ERG: variants seen among roughly 807,000 people sequenced by gnomAD.
ERG encodes ETS transcription factor ERG, also known as transcriptional regulator ERG.
ERG carries 9 observed loss-of-function variants against 55.3 expected under a neutral mutation model. That is an observed-to-expected ratio of 0.16 (90% CI 0.10 to 0.28). The LOEUF is 0.28. ERG is among the 10% of genes least tolerant of loss of function. ERG has a pLI of 1.00. For missense variants in ERG, 434 were observed against 631.6 expected, an observed-to-expected ratio of 0.69 and a Z score of 3.35; for synonymous variants, 223 against 237.3, an observed-to-expected ratio of 0.94 and a Z score of 0.55.
At chr21:38,572,094 C>T (rs937747324) in intron 2 of ERG, among the ~76,000 whole-genome samples, 7 of 151,802 alleles carry the variant, frequency 4.6e-5, no homozygotes, top group South Asian at 4.1e-4. Context: ...CGGTGGCTCA[C>T]GCCTGTAATC....
At chr21:38,643,527 T>C (rs1174008523) in intron 1 of ERG, among the ~76,000 whole-genome samples, 1 of 152,160 alleles carries the variant, frequency 6.6e-6, no homozygotes, top group African/African-American at 2.4e-5. Flanking sequence ...GAGGCAAATT[T>C]GTTTCTTGTG....
chr21:38,455,612 T>C lies in ERG; in HGVS notation c.19-9991A>G, dbSNP rs1458653564. On this transcript the variant is annotated intron_variant, in intron 1 of 9. Coordinates refer to ENST00000288319, the MANE Select transcript of ERG (RefSeq NM_182918.4). The stretch of plus-strand genomic sequence containing the variant: ...GTCTCATCTGTGAATCTCTGACACA[T>C]GGATTCATTGTTTTCGATAAAATTC... Among the ~76,000 whole-genome samples the C allele has an allele frequency of 9.9e-5, 15 of 152,284 alleles. 2 individuals are homozygous for C. In the South Asian group the frequency reaches 3.1e-3, roughly 32 times the overall value.
At chr21:38,475,178 T>C (rs1490148940) in intron 1 of ERG, among the ~76,000 whole-genome samples, 3 of 152,018 alleles carry the variant, frequency 2.0e-5, no homozygotes, top group Non-Finnish European at 4.4e-5. Flanking sequence ...TAAGTCAACA[T>C]ATGAGAAACT....
At chr21:38,399,907 AC>A (rs1988408254) in intron 6 of ERG, 1 of 193,286 alleles carries the variant, frequency 5.2e-6, no homozygotes, top group South Asian at 1.3e-4. Context: ...TCACCATCAT[AC>A]CATCCGTGGC....
chr21:38,383,180 A>C lies in ERG; in HGVS notation c.*223T>G. ...CTTTTACAAGGTCAGTCCACAGATG[A>C]TATGTCCATATTCGTGACATTTTTA... is the stretch of plus-strand genomic sequence containing the variant. On this transcript the variant is annotated 3_prime_UTR_variant, in exon 10 of 10. Coordinates refer to ENST00000288319, the MANE Select transcript of ERG (RefSeq NM_182918.4). This position sits in a 1 kb window ranked among gnomAD's most constrained non-coding sequence, Gnocchi z 5.7. The C allele has an allele frequency of 1.6e-6, 2 of 1,263,998 alleles. No individual in the cohort carries two copies. The highest frequency in any genetic ancestry group is 2.0e-6 in the Non-Finnish European group (2 of 1,005,810). The allele number at this position is 1,263,998 out of a possible 1,614,324, so 78.3% of individuals were successfully genotyped here.
chr21:38,585,423 G>A (rs2146883385), upstream of ERG, among the ~76,000 whole-genome samples: 1 of 149,834 alleles, frequency 6.7e-6, no homozygotes, highest in South Asian at 2.1e-4. Flanking sequence ...AGGAGGATCT[G>A]TATTTTTTAA....
chr21:38,596,584 C>T (rs545452073), intron 1 of ERG, among the ~76,000 whole-genome samples: 1 of 152,350 alleles, frequency 6.6e-6, no homozygotes, highest in South Asian at 2.1e-4. Flanking sequence ...CTTGACAGAA[C>T]TAATCCTTCT....
At chr21:38,373,384 G>A in the ERG span, among the ~76,000 whole-genome samples, 2 of 152,204 alleles carry the variant, frequency 1.3e-5, no homozygotes, top group Admixed American at 6.5e-5. Context: ...TTGGGCTTGA[G>A]GGTGGAGGAA....
the ERG span, among the ~76,000 whole-genome samples, chr21:38,372,618 T>G: frequency 6.6e-6 from 1 of 152,082 alleles, no homozygotes; most frequent in African/African-American, 2.4e-5. Context: ...TTTTTCTACT[T>G]AACTTTTAAT....
chr21:38,661,154 G>C (rs2060553454), intron 1 of ERG, among the ~76,000 whole-genome samples: 1 of 151,902 alleles, frequency 6.6e-6, no homozygotes, highest in Non-Finnish European at 1.5e-5. Flanking sequence ...AGGACCAGAG[G>C]GGAGGAGAGG....
At chr21:38,564,575 T>TTCTC (rs368309134) in intron 2 of ERG, among the ~76,000 whole-genome samples, 2 of 151,680 alleles carry the variant, frequency 1.3e-5, no homozygotes, top group Non-Finnish European at 2.9e-5. Context: ...TCTGCACTTC[T>TTCTC]TCTCTCTCTC....
At chr21:38,492,449 T>C (rs1267140504) in intron 1 of ERG, among the ~76,000 whole-genome samples, 1 of 152,242 alleles carries the variant, frequency 6.6e-6, no homozygotes, top group Non-Finnish European at 1.5e-5. Flanking sequence ...AAGTCTACAA[T>C]GATAATTACA....
chr21:38,555,166 A>G (rs1265024109), intron 2 of ERG, among the ~76,000 whole-genome samples: 2 of 152,024 alleles, frequency 1.3e-5, no homozygotes, highest in African/African-American at 4.8e-5. Flanking sequence ...GTCTCTACTG[A>G]AAGTACAAAA....
chr21:38,405,165 T>C (rs1284852687), intron 3 of ERG, among the ~76,000 whole-genome samples: 1 of 152,224 alleles, frequency 6.6e-6, no homozygotes, highest in Non-Finnish European at 1.5e-5. Flanking sequence ...AGTTAGTACG[T>C]GTATCACTCC....
intron 2 of ERG, among the ~76,000 whole-genome samples, chr21:38,428,582 T>C (rs953917845): frequency 6.6e-6 from 1 of 152,204 alleles, no homozygotes; most frequent in Non-Finnish European, 1.5e-5. Flanking sequence ...AGTGCTGCAA[T>C]GTACACTTTA....
chr21:38,428,083 G>C (rs1989919202), intron 2 of ERG, among the ~76,000 whole-genome samples: 1 of 151,834 alleles, frequency 6.6e-6, no homozygotes, highest in Non-Finnish European at 1.5e-5. Context: ...AGGAGGCTCA[G>C]GTGGGAGGAT....
At chr21:38,413,441 CTTCA>C (rs1326609269) in intron 3 of ERG, among the ~76,000 whole-genome samples, 1 of 152,076 alleles carries the variant, frequency 6.6e-6, no homozygotes, top group East Asian at 1.9e-4. Flanking sequence ...TTATGCTTTA[CTTCA>C]TTCATTTATT....
At chr21:38,461,536 C>T (rs1343207021) in intron 1 of ERG, among the ~76,000 whole-genome samples, 5 of 152,174 alleles carry the variant, frequency 3.3e-5, no homozygotes, top group Admixed American at 2.6e-4. Flanking sequence ...GTGCCAGGTA[C>T]CACACTATGC....
At chr21:38,466,300 G>GT (rs2059088397) in intron 1 of ERG, among the ~76,000 whole-genome samples, 2 of 140,604 alleles carry the variant, frequency 1.4e-5, no homozygotes, top group East Asian at 2.1e-4. Flanking sequence ...GATGGTCTGG[G>GT]GTGTGTGTGT....
Sources: gnomAD v4.1 joint callset for allele counts (sites outside exome capture counted in the v4.1 genomes callset) on GRCh38, gnomAD v4.1.1 for gene constraint, Gnocchi (gnomAD v3.1) non-coding constraint, MANE v1.5 for transcripts, NCBI Gene and HGNC (gene_info 2026-07-23, HGNC 2026-07-21) for gene names.